IFT81: variants seen among roughly 807,000 people sequenced by gnomAD.
The protein encoded by IFT81 is intraflagellar transport 81, also known as intraflagellar transport protein 81 homolog.
IFT81 carries 72 observed loss-of-function variants against 102.6 expected under a neutral mutation model. The observed-to-expected ratio is 0.70, with a 90% CI of 0.58 to 0.85. The LOEUF is 0.85. IFT81 is among the 40% of genes least tolerant of loss of function. The probability of loss-of-function intolerance (pLI) is 0.00; values close to 1 mark genes in which losing one functional copy is unlikely to be tolerated. For synonymous variants in IFT81, 237 were observed against 242.7 expected (o/e 0.98, Z 0.22); for missense variants, 723 against 787.3 (o/e 0.92, Z 0.98).
intron 12 of IFT81, among the ~76,000 whole-genome samples, chr12:110,186,033 C>T (rs942750876): frequency 3.9e-5 from 6 of 152,062 alleles, no homozygotes; most frequent in African/African-American, 7.2e-5. Context: ...ATGAGCTCAC[C>T]TTAAGTATTT....
Position 110,157,150 on chromosome 12 carries a change from C to T in IFT81, c.1042-5769C>T, listed in dbSNP as rs578019657. 2.4e-4 allele frequency among the ~76,000 whole-genome samples: 36 copies of T among 152,040 alleles called. No individual in the cohort carries two copies. In the East Asian group the frequency reaches 5.4e-3, roughly 23 times the overall value. On this transcript the variant is annotated intron_variant, in intron 10 of 18. Transcript: ENST00000242591. ...AGATCATGTGGTCAGGAGTTTGAGA[C>T]CAGCCTGGCCAATATGGTGAAACCC...
intron 14 of IFT81, among the ~76,000 whole-genome samples, chr12:110,199,505 T>A (rs1270685918): frequency 6.6e-6 from 1 of 152,160 alleles, no homozygotes; most frequent in Non-Finnish European, 1.5e-5. Flanking sequence ...ATGATCACTG[T>A]CACAGCTGCA....
At chr12:110,163,951 G>A (rs1896299005) in intron 11 of IFT81, among the ~76,000 whole-genome samples, 1 of 151,842 alleles carries the variant, frequency 6.6e-6, no homozygotes, top group South Asian at 2.1e-4. Context: ...ATTTATATTG[G>A]ATTTAATTAT....
intron 8 of IFT81, among the ~76,000 whole-genome samples, chr12:110,138,816 G>A (rs1894672985): frequency 6.6e-6 from 1 of 152,176 alleles, no homozygotes; most frequent in Admixed American, 6.6e-5. Context: ...TAGGATCAGT[G>A]AGATGTTTTC....
At chr12:110,125,963 A>G (rs1169580767) in intron 1 of IFT81, among the ~76,000 whole-genome samples, 3 of 152,172 alleles carry the variant, frequency 2.0e-5, no homozygotes, top group Admixed American at 1.3e-4. Flanking sequence ...AGCAGGGAAG[A>G]GAAGATGCGT....
At chr12:110,169,032 CCTT>C (rs1410695917) in intron 11 of IFT81, 6 of 73,694 alleles carry the variant, frequency 8.1e-5, no homozygotes, top group East Asian at 1.3e-3. Flanking sequence ...TCCCTTCCTT[CCTT>C]CCTTCCTTCC....
chr12:110,128,063 A>C lies in IFT81; in HGVS notation c.162A>C (p.Arg54Ser). 1 of 1,612,420 alleles carries C rather than the reference A, an allele frequency of 6.2e-7. No individual in the cohort carries two copies. Among genetic ancestry groups the C allele is most frequent in the Non-Finnish European group, 8.5e-7 (1 of 1,178,502 alleles). ...EIDPKQLVDIREEMPEQTAKR... is the reference protein window; with the variant it reads ...EIDPKQLVDISEEMPEQTAKR... ...TTTGTTAGCAACTTGTGGATATCAG[A>C]GAGGAGATGCCAGAGCAGACAGCCA... Residue 54 changes from arginine to serine, a missense_variant, in exon 3 of 19, where the codon AGA (arginine) becomes AGC (serine). Transcript: ENST00000242591.
At chr12:110,168,952 A>G (rs772337727) in intron 11 of IFT81, 7 of 152,022 alleles carry the variant, frequency 4.6e-5, no homozygotes, top group African/African-American at 7.2e-5. Context: ...CCTAAAGTAT[A>G]TGAAGAGTGT....
intron 13 of IFT81, among the ~76,000 whole-genome samples, chr12:110,191,782 G>C (rs1235524726): frequency 6.6e-6 from 1 of 151,814 alleles, no homozygotes; most frequent in Non-Finnish European, 1.5e-5. Context: ...CAAACCCTCA[G>C]AGTACCCCCC....
chr12:110,139,840 AATAAAATAAATAAAATAAAATAAAAT>A (rs1894763144), intron 8 of IFT81, among the ~76,000 whole-genome samples: 2 of 129,958 alleles, frequency 1.5e-5, no homozygotes, highest in African/African-American at 6.3e-5. Flanking sequence ...AATAAAATAA[AATAAAATAAATAAAATAAAATAAAAT>A]ATAAAATAAA....
intron 18 of IFT81, among the ~76,000 whole-genome samples, chr12:110,214,009 T>C (rs1300993172): frequency 6.6e-6 from 1 of 152,166 alleles, no homozygotes; most frequent in East Asian, 1.9e-4. Context: ...GATTTGTGAA[T>C]AAATGACCAT....
At chr12:110,131,251 C>G (rs1388962979) in intron 4 of IFT81, among the ~76,000 whole-genome samples, 2 of 151,930 alleles carry the variant, frequency 1.3e-5, no homozygotes, top group Non-Finnish European at 2.9e-5. Flanking sequence ...CCACTGCACT[C>G]CAGCCAGGGT....
rs34207126 is a variant in IFT81 at position 110,179,773 on chromosome 12, T to TACACACACACACAC, written c.1189-629_1189-616dup. 8.3e-3 allele frequency among the ~76,000 whole-genome samples: 420 copies of TACACACACACACAC among 50,380 alleles called. 13 individuals carry two copies. Among genetic ancestry groups the TACACACACACACAC allele is most frequent in the East Asian group, 0.025 (14 of 562 alleles). 33.1% of individuals were successfully genotyped at this position (50,380 alleles called of 152,430 possible). A position where few individuals can be genotyped will look rare whatever the true frequency, so the allele number is the denominator to read the frequency against. The stretch of plus-strand genomic sequence containing the variant: ...ATATATATATATATATATATATATA[T>TACACACACACACAC]ACACACACACACACACACACACACA... On this transcript the variant is annotated intron_variant, in intron 11 of 18. Transcript: ENST00000242591.
At chr12:110,205,706 G>A in intron 17 of IFT81, 26 bp downstream of exon 17, 6 of 1,379,590 alleles carry the variant, frequency 4.3e-6, no homozygotes, top group Non-Finnish European at 6.0e-6. Context: ...GTTTTATATT[G>A]AGATACTTAA....
chr12:110,182,232 A>G (rs1487692832), intron 12 of IFT81, among the ~76,000 whole-genome samples: 1 of 152,188 alleles, frequency 6.6e-6, no homozygotes, highest in African/African-American at 2.4e-5. Context: ...CTTGTTTGTC[A>G]CATTAAATTT....
intron 11 of IFT81, among the ~76,000 whole-genome samples, chr12:110,164,579 C>T (rs987711538): frequency 6.6e-6 from 1 of 152,068 alleles, no homozygotes; most frequent in Non-Finnish European, 1.5e-5. Flanking sequence ...TGGCAGTGAA[C>T]CTTCACTGTG....
At chr12:110,150,138 G>T (rs552922230) in intron 10 of IFT81, among the ~76,000 whole-genome samples, 23 of 151,126 alleles carry the variant, frequency 1.5e-4, no homozygotes, top group Non-Finnish European at 1.0e-4. Flanking sequence ...ACAGAGTCTC[G>T]CTTTGTCACC....
intron 1 of IFT81, among the ~76,000 whole-genome samples, chr12:110,126,422 C>A (rs1167130433): frequency 6.6e-6 from 1 of 151,326 alleles, no homozygotes; most frequent in South Asian, 2.1e-4. Flanking sequence ...GGGGAGCTGG[C>A]GTTTGGTGGG....
At position 110,205,532 on chromosome 12, in the gene IFT81, A is replaced by G. The variant is rs749748026; in HGVS notation, c.1716+18A>G. ...TGATTAAGGTAAGACAAAGTAGATC[A>G]AAAACATTTCTGAGTTTTTTCTATA... On this transcript the variant is annotated intron_variant, in intron 16 of 18. Coordinates refer to ENST00000242591, the MANE Select transcript of IFT81 (RefSeq NM_014055.4). 10 of 1,588,726 alleles carry G rather than the reference A, an allele frequency of 6.3e-6. No individual in the cohort carries two copies. The South Asian group carries it at 1.2e-4, about 19-fold the overall frequency.
Sources: allele counts gnomAD v4.1 joint callset (sites outside exome capture counted in the v4.1 genomes callset), GRCh38; gene constraint gnomAD v4.1.1; transcripts MANE v1.5; gene names NCBI Gene and HGNC (gene_info 2026-07-23, HGNC 2026-07-21).